Variants in VWA5B1 observed in about 807,000 individuals in gnomAD.
The protein encoded by VWA5B1 is von Willebrand factor A domain containing 5B1, also known as von Willebrand factor A domain-containing protein 5B1.
VWA5B1 carries 115 observed loss-of-function variants against 118.2 expected under a neutral mutation model. That is an observed-to-expected ratio of 0.97 (90% confidence interval 0.84 to 1.14). The LOEUF is 1.14. VWA5B1 is among the 50% of genes most tolerant of loss of function. VWA5B1 has a pLI of 0.00. For missense variants in VWA5B1, 1,596 were observed against 1,603.8 expected, an observed-to-expected ratio of 1.00 and a Z score of 0.08; for synonymous variants, 682 against 658.4, an observed-to-expected ratio of 1.04 and a Z score of -0.55.
chr1:20,318,863 G>A, intron 6 of VWA5B1, 142 bp downstream of exon 6: 2 of 1,300,420 alleles, frequency 1.5e-6, no homozygotes, highest in Admixed American at 6.5e-5. Context: ...CCAAGGAGAG[G>A]AGACCCACTA....
At chr1:20,332,701 A>G in intron 11 of VWA5B1, 65 bp from the exon 12 acceptor site, 1 of 1,507,288 alleles carries the variant, frequency 6.6e-7, no homozygotes, top group South Asian at 1.3e-5. Flanking sequence ...GCTGATACTT[A>G]CATGATCTTC....
intron 1 of VWA5B1, among the ~76,000 whole-genome samples, chr1:20,307,302 G>A (rs983123238): frequency 2.6e-5 from 4 of 152,172 alleles, no homozygotes; most frequent in Non-Finnish European, 5.9e-5. Context: ...TGAGGCCCAG[G>A]TTGGGACAGA....
chr1:20,318,354 C>T (rs1420387640), intron 5 of VWA5B1: 4 of 593,118 alleles, frequency 6.7e-6, no homozygotes, highest in African/African-American at 1.9e-5. Flanking sequence ...CTCCTCCGAC[C>T]CCCACTAGAT....
At chr1:20,342,223 T>G (rs1024572022) in intron 14 of VWA5B1, among the ~76,000 whole-genome samples, 3 of 146,802 alleles carry the variant, frequency 2.0e-5, no homozygotes, top group African/African-American at 7.6e-5. Flanking sequence ...ATGTTTCTCA[T>G]GGATAATGGA....
At position 20,310,609 on chromosome 1, in the gene VWA5B1, G is replaced by A. The variant is rs2088817773; in HGVS notation, c.8G>A (p.Gly3Asp). 1 of 1,537,642 alleles carries A rather than the reference G, an allele frequency of 6.5e-7. No homozygotes were observed. Among genetic ancestry groups the A allele is most frequent in the East Asian group, 2.5e-5 (1 of 40,358 alleles). Reference sequence around the variant, plus strand: ...GGCTGAGTAGCCAGCGGGATGCCCGGCTTGCTGAATTGGATCACGGGGGCA... The same window carrying A: ...GGCTGAGTAGCCAGCGGGATGCCCGACTTGCTGAATTGGATCACGGGGGCA... MP[G>D]LLNWITGAAL... The change falls in exon 2 of 22, where the codon GGC becomes GAC. Residue 3 changes from glycine to aspartate, a missense_variant. Physicochemically the swap from Gly to Asp is moderately conservative, Grantham distance 94. Transcript: ENST00000289815.
intron 10 of VWA5B1, 131 bp from the exon 11 acceptor site, chr1:20,330,738 C>A: frequency 2.2e-6 from 2 of 920,578 alleles, no homozygotes; most frequent in Non-Finnish European, 3.5e-6. Flanking sequence ...TCTTCCTTCT[C>A]CCTCTCCCTC....
At chr1:20,343,500 C>G in intron 16 of VWA5B1, 107 bp downstream of exon 16, 1 of 1,428,032 alleles carries the variant, frequency 7.0e-7, no homozygotes, top group Non-Finnish European at 9.1e-7. Flanking sequence ...CTCTCAGCCC[C>G]GCGTGGTCCG....
chr1:20,321,405 C>T (rs1047964701), intron 7 of VWA5B1, among the ~76,000 whole-genome samples: 2 of 151,958 alleles, frequency 1.3e-5, no homozygotes, highest in South Asian at 2.1e-4. Context: ...GCCAACATGG[C>T]GAAACCCCGT....
intron 1 of VWA5B1, among the ~76,000 whole-genome samples, chr1:20,300,800 G>GTACA (rs2088488523): frequency 6.6e-6 from 1 of 152,226 alleles, no homozygotes; most frequent in Non-Finnish European, 1.5e-5. Context: ...CAAGGAAGAA[G>GTACA]TACAGTTTTG....
At chr1:20,314,624 C>T in intron 4 of VWA5B1, 32 bp downstream of exon 4, 1 of 1,543,784 alleles carries the variant, frequency 6.5e-7, no homozygotes, top group Non-Finnish European at 8.8e-7. Flanking sequence ...CAATCAGAGT[C>T]CCAGGTGGGC....
intron 2 of VWA5B1, 51 bp from the exon 3 acceptor site, chr1:20,312,785 T>C: frequency 6.7e-7 from 1 of 1,498,168 alleles, no homozygotes; most frequent in Non-Finnish European, 9.0e-7. Context: ...AGGCAAGGGG[T>C]GTGCAGGGTA....
intron 4 of VWA5B1, among the ~76,000 whole-genome samples, chr1:20,316,458 T>A (rs528108400): frequency 6.6e-6 from 1 of 152,202 alleles, no homozygotes; most frequent in Non-Finnish European, 1.5e-5. Context: ...CCAAAAAAAG[T>A]AAGAGATCGA....
intron 8 of VWA5B1, among the ~76,000 whole-genome samples, chr1:20,327,062 C>T (rs1382488706): frequency 6.6e-6 from 1 of 151,908 alleles, no homozygotes; most frequent in Non-Finnish European, 1.5e-5. Flanking sequence ...CTTCTACCAT[C>T]ACCTCCACCT....
At position 20,350,240 on chromosome 1, in the gene VWA5B1, C is replaced by A; in HGVS notation, c.2953+10C>A. 1 of 1,550,838 alleles carries A rather than the reference C, an allele frequency of 6.4e-7. No homozygotes were observed. The highest frequency in any genetic ancestry group is 8.7e-7 in the Non-Finnish European group (1 of 1,146,872). ...CACGGTGCTTCTGAAGGTGAGTGGG[C>A]AGGTGGCGCTGCCTCTTCATCAAGA... On this transcript the variant is annotated intron_variant, in intron 19 of 21. Coordinates refer to ENST00000289815, the MANE Select transcript of VWA5B1 (RefSeq NM_001039500.3).
intron 1 of VWA5B1, among the ~76,000 whole-genome samples, chr1:20,308,462 C>T (rs192528594): frequency 1.3e-5 from 2 of 152,080 alleles, no homozygotes; most frequent in African/African-American, 4.8e-5. Context: ...CAGACAGGAG[C>T]GAACCAGGAT....
intron 3 of VWA5B1, 124 bp downstream of exon 3, chr1:20,313,112 G>C: frequency 7.7e-7 from 1 of 1,300,998 alleles, no homozygotes; most frequent in Non-Finnish European, 1.0e-6. Context: ...CACTGAACTA[G>C]TCAAGAATCT....
chr1:20,319,286 C>T lies in VWA5B1; in HGVS notation c.842-96C>T, dbSNP rs1201492039. ...TCCACCCCGCTTCCAAATGGGAGTC[C>T]CACCCCTGTGAGAATCTTGCACCTA... is the stretch of plus-strand genomic sequence containing the variant. On this transcript the variant is annotated intron_variant, in intron 6 of 21. Coordinates refer to ENST00000289815, the MANE Select transcript of VWA5B1 (RefSeq NM_001039500.3). 2.7e-6 allele frequency: 4 copies of T among 1,494,314 alleles called. No homozygotes were observed. In the African/African-American group the frequency reaches 5.6e-5, roughly 21 times the overall value. The allele number at this position is 1,494,314 out of a possible 1,614,324, so 92.6% of individuals were successfully genotyped here.
intron 1 of VWA5B1, among the ~76,000 whole-genome samples, chr1:20,296,668 A>C (rs2088412091): frequency 6.6e-6 from 1 of 152,254 alleles, no homozygotes; most frequent in Non-Finnish European, 1.5e-5. Flanking sequence ...AAGTTTTGGC[A>C]CATGGTTGTA....
chr1:20,352,187 C>G lies in VWA5B1; in HGVS notation c.3141+15C>G, dbSNP rs775937190. The G allele has an allele frequency of 6.5e-7, 1 of 1,542,298 alleles. No homozygotes were observed. The highest frequency in any genetic ancestry group is 1.2e-5 in the South Asian group (1 of 83,432). ...ACATACCTCTGGTGAGTGCCCTGACCCCAGGTGTCAGTCTCCCTCCGCTCC... is the reference window on the plus strand; with the variant it reads ...ACATACCTCTGGTGAGTGCCCTGACGCCAGGTGTCAGTCTCCCTCCGCTCC... On this transcript the variant is annotated intron_variant, in intron 21 of 21. Coordinates refer to ENST00000289815, the MANE Select transcript of VWA5B1 (RefSeq NM_001039500.3).
Sources: allele counts gnomAD v4.1 joint callset (sites outside exome capture counted in the v4.1 genomes callset), GRCh38; gene constraint gnomAD v4.1.1; transcripts MANE v1.5; gene names NCBI Gene and HGNC (gene_info 2026-07-23, HGNC 2026-07-21).